MBTPS1: variants seen among roughly 807,000 people sequenced by gnomAD.
MBTPS1 encodes membrane-bound transcription factor site-1 protease.
A neutral mutation model predicts 127.8 loss-of-function variants in MBTPS1; 94 were observed. That is an observed-to-expected ratio of 0.74 (90% CI 0.62 to 0.87). MBTPS1 has a LOEUF of 0.87. Ranked by LOEUF, MBTPS1 falls within the 40% of genes least tolerant of loss-of-function variation. The pLI, the probability that MBTPS1 is intolerant of heterozygous loss-of-function variation, is 0.00. For missense variants in MBTPS1, 1,636 were observed against 1,353.2 expected (o/e 1.21, Z -3.28); for synonymous variants, 632 against 509.4 (o/e 1.24, Z -3.24).
At chr16:84,090,663 G>C (rs78072684) in intron 8 of MBTPS1, among the ~76,000 whole-genome samples, 1 of 152,092 alleles carries the variant, frequency 6.6e-6, no homozygotes, top group Non-Finnish European at 1.5e-5. Context: ...AAGGAAGACC[G>C]GCCTTGAGGT....
chr16:84,077,249 A>AG (rs57906119), intron 11 of MBTPS1, among the ~76,000 whole-genome samples: 2,226 of 138,712 alleles, frequency 0.016, 32 homozygotes, highest in East Asian at 0.03. Context: ...AAAAAAAAAA[A>AG]AGAGAGAGAG....
intron 1 of MBTPS1, among the ~76,000 whole-genome samples, chr16:84,108,962 A>G (rs903286597): frequency 6.6e-6 from 1 of 152,258 alleles, no homozygotes; most frequent in South Asian, 2.1e-4. Flanking sequence ...TTTTCAATAC[A>G]TAGACTAACA....
At chr16:84,058,737 C>T (rs1175914257) in intron 21 of MBTPS1, among the ~76,000 whole-genome samples, 2 of 152,090 alleles carry the variant, frequency 1.3e-5, no homozygotes, top group Admixed American at 6.6e-5. Flanking sequence ...ATGAAGAAGC[C>T]GAGTTAGTGA....
intron 12 of MBTPS1, among the ~76,000 whole-genome samples, chr16:84,072,685 G>A (rs2085788034): frequency 6.6e-6 from 1 of 152,184 alleles, no homozygotes; most frequent in African/African-American, 2.4e-5. Flanking sequence ...AGCTACTCGG[G>A]AGGCTGAGGC....
intron 11 of MBTPS1, among the ~76,000 whole-genome samples, chr16:84,079,454 C>T (rs1209754875): frequency 6.6e-6 from 1 of 152,070 alleles, no homozygotes; most frequent in African/African-American, 2.4e-5. Context: ...ATTAAAAAGA[C>T]ACCAAGGAAA....
rs113341803 is a variant in MBTPS1 at position 84,062,958 on chromosome 16, A to T, written c.2572+347T>A. Among the ~76,000 whole-genome samples the T allele has an allele frequency of 7.3e-4, 111 of 152,348 alleles. 1 individual carries two copies. Among genetic ancestry groups the T allele is most frequent in the African/African-American group, 2.5e-3 (105 of 41,600 alleles). ...GTGGCAGTGCCCACAAAGTCCAGGC[A>T]GCACGGCGTAGGAAGCCTGGGAGGG... On this transcript the variant is annotated intron_variant, in intron 19 of 22. Coordinates refer to ENST00000343411, the MANE Select transcript of MBTPS1 (RefSeq NM_003791.4).
intron 21 of MBTPS1, chr16:84,056,895 AC>A (rs2085529741): frequency 6.6e-6 from 1 of 152,392 alleles, no homozygotes; most frequent in East Asian, 1.9e-4. Context: ...TTGGGAGGAC[AC>A]CGGAGCTAGA....
At chr16:84,116,612 A>ACCCGG (rs1004927319) in intron 1 of MBTPS1, 123 bp downstream of exon 1, 2 of 151,904 alleles carry the variant, frequency 1.3e-5, no homozygotes, top group Non-Finnish European at 2.9e-5. Flanking sequence ...ACCTCCCCCG[A>ACCCGG]CCCGGCCCGG....
At chr16:84,063,499 G>A (rs1028946543) in intron 18 of MBTPS1, 54 bp from the exon 19 acceptor site, 2 of 1,515,392 alleles carry the variant, frequency 1.3e-6, no homozygotes, top group Non-Finnish European at 9.0e-7. Context: ...TGAGCAGTGA[G>A]TTATTTCCTG....
chr16:84,085,870 A>G (rs1222021223), intron 9 of MBTPS1: 1 of 152,116 alleles, frequency 6.6e-6, no homozygotes, highest in Non-Finnish European at 1.5e-5. Flanking sequence ...AAACCCAAAC[A>G]TGTTTCTTTA....
intron 1 of MBTPS1, among the ~76,000 whole-genome samples, chr16:84,108,426 G>C (rs1264456027): frequency 6.6e-6 from 1 of 152,170 alleles, no homozygotes; most frequent in Non-Finnish European, 1.5e-5. Context: ...ACCACACCCA[G>C]CTAATTTTTG....
At position 84,068,911 on chromosome 16, in the gene MBTPS1, G is replaced by A. The variant is rs566879189; in HGVS notation, c.1956-457C>T. 6.6e-5 allele frequency among the ~76,000 whole-genome samples: 10 copies of A among 152,198 alleles called. No homozygotes were observed. In the South Asian group the frequency reaches 1.2e-3, roughly 19 times the overall value. Reference sequence around the variant, plus strand: ...TGCCACTGGTCAACTTTCCATCCCCGTCCCTCCCAAATGAGCTCACTTTCC... The same window carrying A: ...TGCCACTGGTCAACTTTCCATCCCCATCCCTCCCAAATGAGCTCACTTTCC... On this transcript the variant is annotated intron_variant, in intron 14 of 22. Coordinates refer to ENST00000343411, the MANE Select transcript of MBTPS1 (RefSeq NM_003791.4).
chr16:84,087,448 GT>G lies in MBTPS1; in HGVS notation c.1043del (p.Asn348ThrfsTer8). The stretch of plus-strand genomic sequence containing the variant: ...CAATCACATCCATTTGATCAGCAGG[GT>G]TATTCAGAGTGCTATATTGAGACCA... ...NDGPLYGTLN[N>X]PADQMDVIGV... On this transcript the variant is annotated frameshift_variant, in exon 9 of 23. Transcript: ENST00000343411. LOFTEE classifies it high-confidence loss of function. 6.3e-7 allele frequency: 1 copy of G among 1,593,956 alleles called. No homozygotes were observed. Among genetic ancestry groups the G allele is most frequent in the Non-Finnish European group, 8.6e-7 (1 of 1,165,750 alleles).
chr16:84,098,931 C>T, intron 3 of MBTPS1, 122 bp downstream of exon 3: 5 of 1,029,304 alleles, frequency 4.9e-6, no homozygotes, highest in East Asian at 2.4e-5. Flanking sequence ...GGAAAATGTT[C>T]ACAATTAGCA....
chr16:84,096,475 A>G (rs759963045), intron 3 of MBTPS1, among the ~76,000 whole-genome samples: 17 of 152,208 alleles, frequency 1.1e-4, no homozygotes, highest in Non-Finnish European at 2.1e-4. Flanking sequence ...GAATTTTACT[A>G]TCTGTAAGTC....
rs1372724887 is a variant in MBTPS1 at position 84,054,525 on chromosome 16, G to A, written c.3083C>T (p.Pro1028Leu). The change falls in exon 23 of 23, where the codon CCG (proline) becomes CTG (leucine). Residue 1028 changes from proline (P) to leucine (L), a missense_variant. By Grantham distance (98) the Pro-to-Leu change is moderately conservative (BLOSUM62 -3). Transcript: ENST00000343411. ...CTTCACCCTGGGCTTCCTCCGCTTC[G>A]GCCTGCTCTTGGCCTTGTTGATTTG... ...VVQINKAKSR[P>L]KRRKPRVKRP... The A allele has an allele frequency of 6.8e-6, 11 of 1,613,912 alleles. No homozygotes were observed. The highest frequency in any genetic ancestry group is 7.6e-6 in the Non-Finnish European group (9 of 1,179,890).
At chr16:84,092,887 G>T (rs2086128812) in intron 6 of MBTPS1, among the ~76,000 whole-genome samples, 1 of 152,166 alleles carries the variant, frequency 6.6e-6, no homozygotes. Flanking sequence ...CCGACCCAGG[G>T]TACAGAGGCC....
intron 1 of MBTPS1, among the ~76,000 whole-genome samples, chr16:84,106,718 G>A (rs2086328720): frequency 6.6e-6 from 1 of 152,214 alleles, no homozygotes; most frequent in Non-Finnish European, 1.5e-5. Context: ...AGATCGCTCT[G>A]GCTTCGGTGT....
chr16:84,103,716 T>G (rs2086287699), intron 1 of MBTPS1, among the ~76,000 whole-genome samples: 1 of 152,192 alleles, frequency 6.6e-6, no homozygotes. Flanking sequence ...AAAACATTGA[T>G]AAAGTACCGT....
Sources: allele counts gnomAD v4.1 joint callset (sites outside exome capture counted in the v4.1 genomes callset), GRCh38; gene constraint gnomAD v4.1.1; transcripts MANE v1.5; gene names NCBI Gene and HGNC (gene_info 2026-07-23, HGNC 2026-07-21).